ROR1: variants seen among roughly 807,000 people sequenced by gnomAD.
ROR1 encodes ROR family WNT receptor 1, also known as inactive tyrosine-protein kinase transmembrane receptor ROR1.
A neutral mutation model predicts 78.8 loss-of-function variants in ROR1; 19 were observed. The ratio of observed to expected loss-of-function variants is 0.24; its 90% CI spans 0.17 to 0.35. The LOEUF (loss-of-function observed/expected upper bound fraction) is 0.35, where lower values mean the gene tolerates loss of function less well. Ranked by LOEUF, ROR1 falls within the 10% of genes least tolerant of loss-of-function variation. The pLI is 1.00. For synonymous variants in ROR1, 386 were observed against 433.6 expected, an observed-to-expected ratio of 0.89 and a Z score of 1.36; for missense variants, 917 against 1,177.8, an observed-to-expected ratio of 0.78 and a Z score of 3.24.
intron 1 of ROR1, among the ~76,000 whole-genome samples, chr1:63,798,510 CA>C (rs1644776387): frequency 6.6e-6 from 1 of 152,154 alleles, no homozygotes; most frequent in Admixed American, 6.5e-5. Flanking sequence ...AGGCAGCATG[CA>C]GTCCGCTGCC....
At chr1:64,033,398 C>G (rs1275946239) in intron 2 of ROR1, among the ~76,000 whole-genome samples, 2 of 152,146 alleles carry the variant, frequency 1.3e-5, no homozygotes, top group Admixed American at 1.3e-4. Flanking sequence ...AGTTACACTG[C>G]TGACAAGTAA....
At chr1:63,813,037 A>G (rs1240899813) in intron 1 of ROR1, among the ~76,000 whole-genome samples, 1 of 151,954 alleles carries the variant, frequency 6.6e-6, no homozygotes, top group Admixed American at 6.6e-5. Flanking sequence ...AATTTTGGAG[A>G]GGGGTCTTCA....
At chr1:64,106,339 C>G (rs752746452) in intron 4 of ROR1, 1 of 152,050 alleles carries the variant, frequency 6.6e-6, no homozygotes, top group African/African-American at 2.4e-5. Flanking sequence ...AAGTTGCTCA[C>G]CAGCTTAAGG....
chr1:63,780,911 A>G (rs752087037), intron 1 of ROR1, among the ~76,000 whole-genome samples: 10 of 152,170 alleles, frequency 6.6e-5, no homozygotes, highest in Non-Finnish European at 1.2e-4. Context: ...CCAATATCCA[A>G]ATAATCTTGC....
intron 1 of ROR1, among the ~76,000 whole-genome samples, chr1:63,977,207 G>A (rs1646168859): frequency 6.6e-6 from 1 of 152,118 alleles, no homozygotes; most frequent in Admixed American, 6.5e-5. Flanking sequence ...GGAATTATGG[G>A]AACTACAGTT....
chr1:64,065,864 A>G (rs1401407753), intron 4 of ROR1, among the ~76,000 whole-genome samples: 2 of 152,224 alleles, frequency 1.3e-5, no homozygotes, highest in Non-Finnish European at 2.9e-5. Flanking sequence ...GATTGCCGAT[A>G]GTTAGTGGTT....
At chr1:63,878,878 T>C (rs1308635647) in intron 1 of ROR1, among the ~76,000 whole-genome samples, 1 of 152,204 alleles carries the variant, frequency 6.6e-6, no homozygotes, top group East Asian at 1.9e-4. Flanking sequence ...CCGCAGCCTG[T>C]TCAGTCCTCA....
At chr1:63,842,092 TCAAA>T (rs946588099) in intron 1 of ROR1, among the ~76,000 whole-genome samples, 5 of 152,182 alleles carry the variant, frequency 3.3e-5, no homozygotes, top group Admixed American at 6.5e-5. Flanking sequence ...ACTTCAACCT[TCAAA>T]CAAACAAACA....
intron 2 of ROR1, among the ~76,000 whole-genome samples, chr1:64,042,809 C>A (rs1646754955): frequency 6.6e-6 from 1 of 152,160 alleles, no homozygotes; most frequent in Non-Finnish European, 1.5e-5. Flanking sequence ...GATAGTGAGT[C>A]AGAAGTATTT....
intron 1 of ROR1, among the ~76,000 whole-genome samples, chr1:63,846,207 C>A (rs1175493751): frequency 1.3e-5 from 2 of 150,154 alleles, no homozygotes; most frequent in Admixed American, 1.3e-4. Context: ...TGCTTTCACT[C>A]CTCATGGTGA....
At chr1:64,132,315 C>G (rs1280854316) in intron 4 of ROR1, among the ~76,000 whole-genome samples, 1 of 152,116 alleles carries the variant, frequency 6.6e-6, no homozygotes, top group Non-Finnish European at 1.5e-5. Flanking sequence ...TGATGAACAC[C>G]TGAGTTGTTC....
At chr1:63,815,844 TG>T (rs994808458) in intron 1 of ROR1, among the ~76,000 whole-genome samples, 19 of 152,016 alleles carry the variant, frequency 1.2e-4, no homozygotes, top group African/African-American at 3.4e-4. Flanking sequence ...GACACAGTCC[TG>T]GGGTGGGGGA....
At chr1:63,979,104 C>A (rs1646186884) in intron 1 of ROR1, among the ~76,000 whole-genome samples, 1 of 152,102 alleles carries the variant, frequency 6.6e-6, no homozygotes, top group Admixed American at 6.6e-5. Context: ...CAGAACCTAC[C>A]CATTTACATT....
At chr1:64,096,755 T>C (rs535237943) in intron 4 of ROR1, among the ~76,000 whole-genome samples, 2 of 152,314 alleles carry the variant, frequency 1.3e-5, no homozygotes, top group South Asian at 2.1e-4. Context: ...TTTGGGTATA[T>C]ACCTAGTAAT....
intron 7 of ROR1, among the ~76,000 whole-genome samples, chr1:64,147,874 T>C (rs969090321): frequency 6.6e-6 from 1 of 152,136 alleles, no homozygotes; most frequent in Non-Finnish European, 1.5e-5. Context: ...CATTTGGCAA[T>C]TTCTGGAGAG....
chr1:63,997,443 G>A (rs1646346256), intron 1 of ROR1, among the ~76,000 whole-genome samples: 1 of 152,130 alleles, frequency 6.6e-6, no homozygotes, highest in East Asian at 1.9e-4. Context: ...TTTGTTGTTG[G>A]TTAATATTCA....
chr1:64,156,240 A>G (rs1331972445), intron 7 of ROR1, among the ~76,000 whole-genome samples: 1 of 152,198 alleles, frequency 6.6e-6, no homozygotes, highest in Admixed American at 6.5e-5. Context: ...GGGCCTACTG[A>G]AGGTCACGTA....
intron 1 of ROR1, among the ~76,000 whole-genome samples, chr1:63,927,812 C>G (rs967072942): frequency 6.6e-6 from 1 of 152,116 alleles, no homozygotes; most frequent in Non-Finnish European, 1.5e-5. Context: ...CATCTTGCTT[C>G]TTTTGTTTCC....
chr1:64,048,306 C>T (rs1646799706), intron 2 of ROR1, among the ~76,000 whole-genome samples: 1 of 152,202 alleles, frequency 6.6e-6, no homozygotes, highest in Non-Finnish European at 1.5e-5. Context: ...CCCTGTGTGA[C>T]TAGTGGCTAT....
Sources: allele counts gnomAD v4.1 joint callset (sites outside exome capture counted in the v4.1 genomes callset), GRCh38; gene constraint gnomAD v4.1.1; transcripts MANE v1.5; gene names NCBI Gene and HGNC (gene_info 2026-07-23, HGNC 2026-07-21).